Variants in SGCZ observed in about 807,000 individuals in gnomAD.
SGCZ encodes the protein sarcoglycan zeta, also known as zeta-sarcoglycan.
Under a neutral mutation model 41.3 loss-of-function variants are expected in SGCZ, and 40 were observed. The ratio of observed to expected loss-of-function variants is 0.97; its 90% CI spans 0.75 to 1.26. The LOEUF is 1.26. Among genes scored for constraint, SGCZ ranks in the 50% most tolerant of loss-of-function variants. The pLI is 0.00. For synonymous variants in SGCZ, 206 were observed against 137.5 expected (o/e 1.50, Z -3.49); for missense variants, 552 against 369.8 (o/e 1.49, Z -4.04).
intron 1 of SGCZ, among the ~76,000 whole-genome samples, chr8:15,141,151 T>C (rs948106145): frequency 6.6e-6 from 1 of 152,250 alleles, no homozygotes; most frequent in African/African-American, 2.4e-5. Context: ...TTATGACAAA[T>C]ATTGAGGAAT....
At chr8:14,171,523 A>T (rs1585199208) in intron 4 of SGCZ, among the ~76,000 whole-genome samples, 2 of 152,014 alleles carry the variant, frequency 1.3e-5, no homozygotes, top group Non-Finnish European at 2.9e-5. Context: ...GAAATTTCAA[A>T]TTTTTTCTCT....
At chr8:14,882,827 G>A (rs1195643866) in intron 1 of SGCZ, among the ~76,000 whole-genome samples, 1 of 151,962 alleles carries the variant, frequency 6.6e-6, no homozygotes, top group African/African-American at 2.4e-5. Flanking sequence ...TGTCGGCTCA[G>A]CATCATTTGG....
At chr8:14,376,335 T>C (rs1326247431) in intron 2 of SGCZ, among the ~76,000 whole-genome samples, 1 of 150,024 alleles carries the variant, frequency 6.7e-6, no homozygotes, top group Non-Finnish European at 1.5e-5. Context: ...AAATAAAAAA[T>C]AAAATAAAAA....
chr8:14,487,202 G>T (rs17119374), intron 2 of SGCZ, among the ~76,000 whole-genome samples: 3,271 of 152,072 alleles, frequency 0.022, 123 homozygotes, highest in African/African-American at 0.074. Flanking sequence ...ACTTGTGTAG[G>T]GTCAGTTATA....
chr8:15,230,243 A>C (rs570152314), intron 1 of SGCZ, among the ~76,000 whole-genome samples: 2 of 151,996 alleles, frequency 1.3e-5, no homozygotes, highest in African/African-American at 4.8e-5. Flanking sequence ...ATTAAATACT[A>C]TGATGGTAGC....
At chr8:14,822,494 G>A (rs1015713165) in intron 1 of SGCZ, among the ~76,000 whole-genome samples, 2 of 152,018 alleles carry the variant, frequency 1.3e-5, no homozygotes, top group Admixed American at 6.5e-5. Flanking sequence ...AATTCACATG[G>A]AATCACAAAA....
intron 1 of SGCZ, among the ~76,000 whole-genome samples, chr8:14,803,356 G>A (rs1045767644): frequency 8.5e-5 from 13 of 152,066 alleles, no homozygotes; most frequent in Non-Finnish European, 1.9e-4. Context: ...AGTGGGCGCA[G>A]GTCAGTGGGT....
chr8:14,792,624 T>C (rs1800992078), intron 1 of SGCZ, among the ~76,000 whole-genome samples: 1 of 152,146 alleles, frequency 6.6e-6, no homozygotes, highest in South Asian at 2.1e-4. Flanking sequence ...TGTGCAGGTT[T>C]GTTGCATATG....
At chr8:14,316,951 A>T (rs1801739251) in intron 3 of SGCZ, among the ~76,000 whole-genome samples, 1 of 150,986 alleles carries the variant, frequency 6.6e-6, no homozygotes, top group Non-Finnish European at 1.5e-5. Context: ...CTCCTAACCT[A>T]CCCCCACCCC....
intron 1 of SGCZ, among the ~76,000 whole-genome samples, chr8:15,031,934 T>TCTCTCA (rs1563452974): frequency 6.6e-6 from 1 of 151,682 alleles, no homozygotes; most frequent in Non-Finnish European, 1.5e-5. Flanking sequence ...TCTCTCTCTC[T>TCTCTCA]CTCTGTCTGT....
intron 2 of SGCZ, among the ~76,000 whole-genome samples, chr8:14,345,957 G>T (rs1272410084): frequency 6.6e-6 from 1 of 151,984 alleles, no homozygotes; most frequent in African/African-American, 2.4e-5. Context: ...TAGAACAAAG[G>T]GAATTTTTAG....
At chr8:14,292,780 A>G (rs1199743694) in intron 3 of SGCZ, among the ~76,000 whole-genome samples, 1 of 151,934 alleles carries the variant, frequency 6.6e-6, no homozygotes, top group East Asian at 1.9e-4. Context: ...TAACACCAAT[A>G]TCACTAGGCT....
intron 1 of SGCZ, among the ~76,000 whole-genome samples, chr8:14,775,645 G>A (rs1014726519): frequency 6.6e-6 from 1 of 152,060 alleles, no homozygotes; most frequent in Non-Finnish European, 1.5e-5. Context: ...AGTATATAGA[G>A]TTTGGTTACA....
At chr8:14,229,800 T>C (rs1339951680) in intron 4 of SGCZ, among the ~76,000 whole-genome samples, 2 of 152,146 alleles carry the variant, frequency 1.3e-5, no homozygotes, top group East Asian at 1.9e-4. Context: ...CAAGATTGCA[T>C]GTCATTTTCA....
chr8:14,230,677 A>T (rs73219289), intron 4 of SGCZ, among the ~76,000 whole-genome samples: 1 of 151,634 alleles, frequency 6.6e-6, no homozygotes, highest in Non-Finnish European at 1.5e-5. Context: ...CAATATTATT[A>T]GTGAAAATCT....
At chr8:14,435,003 T>TA (rs1262978762) in intron 2 of SGCZ, among the ~76,000 whole-genome samples, 1 of 152,274 alleles carries the variant, frequency 6.6e-6, no homozygotes, top group African/African-American at 2.4e-5. Context: ...GTTCATTATT[T>TA]AAAAAAATAA....
At chr8:14,259,128 T>C (rs1799563544) in intron 3 of SGCZ, among the ~76,000 whole-genome samples, 1 of 152,236 alleles carries the variant, frequency 6.6e-6, no homozygotes, top group Non-Finnish European at 1.5e-5. Context: ...TTTGTAATAC[T>C]ATATTTTGTA....
At chr8:15,121,701 G>A (rs1807483357) in intron 1 of SGCZ, among the ~76,000 whole-genome samples, 4 of 152,144 alleles carry the variant, frequency 2.6e-5, no homozygotes, top group Non-Finnish European at 5.9e-5. Flanking sequence ...TCTCAAGTGA[G>A]GCTTTGGGTC....
chr8:14,688,132 C>T (rs1339725612), intron 1 of SGCZ, among the ~76,000 whole-genome samples: 1 of 152,016 alleles, frequency 6.6e-6, no homozygotes, highest in Non-Finnish European at 1.5e-5. Flanking sequence ...AATTTTCTCC[C>T]ATTTTGTAGG....
Sources: gnomAD v4.1 joint callset for allele counts (sites outside exome capture counted in the v4.1 genomes callset) on GRCh38, gnomAD v4.1.1 for gene constraint, MANE v1.5 for transcripts, NCBI Gene and HGNC (gene_info 2026-07-23, HGNC 2026-07-21) for gene names.